Variants in CLVS1 observed in about 807,000 individuals in gnomAD.
CLVS1 encodes the protein clavesin-1.
Under a neutral mutation model 33.1 loss-of-function variants are expected in CLVS1, and 10 were observed. That is an observed-to-expected ratio of 0.30 (90% CI 0.19 to 0.51). The LOEUF is 0.51. Among genes scored for constraint, CLVS1 ranks in the 20% least tolerant of loss-of-function variants. CLVS1 has a pLI of 0.97. For missense variants in CLVS1, 343 were observed against 433.4 expected (o/e 0.79, Z 1.85); for synonymous variants, 163 against 166.1 (o/e 0.98, Z 0.14).
chr8:61,210,828 T>C (rs1807955169), intron 2 of CLVS1, among the ~76,000 whole-genome samples: 1 of 152,134 alleles, frequency 6.6e-6, no homozygotes, highest in South Asian at 2.1e-4. Flanking sequence ...AGATTGGGGA[T>C]TCCACGACAT....
At chr8:61,462,374 T>G (rs1038049713) in intron 5 of CLVS1, among the ~76,000 whole-genome samples, 1 of 152,176 alleles carries the variant, frequency 6.6e-6, no homozygotes, top group African/African-American at 2.4e-5. Flanking sequence ...TTTGTTTGTT[T>G]GTTTGTTTTG....
chr8:61,318,547 T>C (rs757864187), intron 2 of CLVS1, among the ~76,000 whole-genome samples: 2 of 152,238 alleles, frequency 1.3e-5, no homozygotes, highest in African/African-American at 4.8e-5. Context: ...CTTTTATCTC[T>C]TTATTGCCTC....
intron 3 of CLVS1, among the ~76,000 whole-genome samples, chr8:61,449,712 ACTGCCTTCTT>A (rs757561081): frequency 9.9e-5 from 15 of 152,166 alleles, no homozygotes; most frequent in Admixed American, 3.9e-4. Context: ...TTTTCCAGGT[ACTGCCTTCTT>A]CTGTCCCAAG....
chr8:61,472,110 C>G (rs551667436), intron 5 of CLVS1, among the ~76,000 whole-genome samples: 1 of 152,344 alleles, frequency 6.6e-6, no homozygotes, highest in Admixed American at 6.5e-5. Context: ...TTGTCCCCCT[C>G]CCCATGCCCC....
chr8:61,350,180 C>A (rs867705708), intron 2 of CLVS1, among the ~76,000 whole-genome samples: 5 of 152,034 alleles, frequency 3.3e-5, no homozygotes, highest in South Asian at 4.2e-4. Context: ...CTCAATTTAA[C>A]CATTACATAA....
At position 61,292,223 on chromosome 8, in the gene CLVS1, A is replaced by G. The variant is rs1398128094; in HGVS notation, c.-152+4085A>G. 18 of 396,566 alleles carry G rather than the reference A, an allele frequency of 4.5e-5. No individual in the cohort carries two copies. The East Asian group carries it at 1.2e-3, about 27-fold the overall frequency. 24.6% of individuals were successfully genotyped at this position (396,566 alleles called of 1,614,324 possible). ...CCATGTTCTGAAGAAATAAGAGCTCAGAAATTCTATTTCTAATTGAGGAGA... is the reference window on the plus strand; with the variant it reads ...CCATGTTCTGAAGAAATAAGAGCTCGGAAATTCTATTTCTAATTGAGGAGA... On this transcript the variant is annotated intron_variant, in intron 1 of 5. Transcript: ENST00000325897.
At chr8:61,437,391 T>G (rs1215920283) in intron 3 of CLVS1, among the ~76,000 whole-genome samples, 1 of 152,222 alleles carries the variant, frequency 6.6e-6, no homozygotes, top group Non-Finnish European at 1.5e-5. Context: ...TTAATGACTT[T>G]GTCTAACTCT....
chr8:61,129,648 T>A (rs995182656), intron 1 of CLVS1, among the ~76,000 whole-genome samples: 2 of 152,138 alleles, frequency 1.3e-5, no homozygotes, highest in Admixed American at 1.3e-4. Flanking sequence ...ATAGATGGTG[T>A]CTTCTTGCTG....
At chr8:61,129,216 A>G (rs944679916) in intron 1 of CLVS1, among the ~76,000 whole-genome samples, 1 of 152,242 alleles carries the variant, frequency 6.6e-6, no homozygotes, top group Admixed American at 6.5e-5. Flanking sequence ...AGATAATTTA[A>G]CAGTGATTTA....
intron 3 of CLVS1, among the ~76,000 whole-genome samples, chr8:61,429,397 G>T (rs1388421030): frequency 1.4e-5 from 2 of 143,348 alleles, no homozygotes; most frequent in Non-Finnish European, 3.0e-5. Flanking sequence ...TCTAGCCTAG[G>T]TGACACAGTG....
At chr8:61,274,398 T>G (rs1196461245) in intron 2 of CLVS1, among the ~76,000 whole-genome samples, 1 of 152,194 alleles carries the variant, frequency 6.6e-6, no homozygotes, top group Non-Finnish European at 1.5e-5. Flanking sequence ...AGCTTAAATC[T>G]TCTTGATAGT....
At chr8:61,315,832 A>G (rs1810990619) in intron 2 of CLVS1, among the ~76,000 whole-genome samples, 1 of 152,104 alleles carries the variant, frequency 6.6e-6, no homozygotes, top group Non-Finnish European at 1.5e-5. Context: ...TGCACCCATC[A>G]ACCCATCATC....
At chr8:61,114,015 T>C (rs770897333) in intron 1 of CLVS1, among the ~76,000 whole-genome samples, 9 of 152,362 alleles carry the variant, frequency 5.9e-5, no homozygotes, top group Middle Eastern at 3.4e-3. Flanking sequence ...TGTGGCCCTG[T>C]ATCAACTACT....
At chr8:61,139,710 G>A (rs1213709665) in intron 2 of CLVS1, among the ~76,000 whole-genome samples, 2 of 152,262 alleles carry the variant, frequency 1.3e-5, no homozygotes, top group Admixed American at 1.3e-4. Flanking sequence ...GCTTCCCCTC[G>A]GTGGTCGGGG....
At chr8:61,066,945 G>A (rs932833460) in intron 1 of CLVS1, among the ~76,000 whole-genome samples, 8 of 152,134 alleles carry the variant, frequency 5.3e-5, no homozygotes, top group Admixed American at 2.6e-4. Flanking sequence ...CGGCTGATGA[G>A]CATTCCATGA....
chr8:61,121,408 C>G (rs1490256042), intron 1 of CLVS1, among the ~76,000 whole-genome samples: 7 of 152,084 alleles, frequency 4.6e-5, no homozygotes, highest in African/African-American at 1.7e-4. Flanking sequence ...TCACCGGCAA[C>G]TCTTATTTTT....
At chr8:61,284,038 A>T (rs1490992016), upstream of CLVS1, among the ~76,000 whole-genome samples, 2 of 152,226 alleles carry the variant, frequency 1.3e-5, no homozygotes, top group Non-Finnish European at 2.9e-5. Context: ...ATTTACCTGT[A>T]ACAAAGAATG....
At chr8:61,329,986 T>C (rs1238124401) in intron 2 of CLVS1, among the ~76,000 whole-genome samples, 2 of 152,276 alleles carry the variant, frequency 1.3e-5, no homozygotes, top group East Asian at 1.9e-4. Context: ...TAGCCTCAGC[T>C]TTCTCCATGC....
chr8:61,341,452 G>A (rs1812026701), intron 2 of CLVS1, among the ~76,000 whole-genome samples: 1 of 152,184 alleles, frequency 6.6e-6, no homozygotes, highest in Non-Finnish European at 1.5e-5. Context: ...GGGGACACTT[G>A]TGAATATGCA....
Sources: allele counts gnomAD v4.1 joint callset (sites outside exome capture counted in the v4.1 genomes callset), GRCh38; gene constraint gnomAD v4.1.1; transcripts MANE v1.5; gene names NCBI Gene and HGNC (gene_info 2026-07-23, HGNC 2026-07-21).